Variants in DOK6 observed in about 807,000 individuals in gnomAD.
DOK6 encodes the protein docking protein 6.
Under a neutral mutation model 44.0 loss-of-function variants are expected in DOK6, and 22 were observed. The observed-to-expected ratio is 0.50, with a 90% CI of 0.36 to 0.71. The LOEUF is 0.71. Among genes scored for constraint, DOK6 ranks in the 30% least tolerant of loss-of-function variants. The pLI, the probability that DOK6 is intolerant of heterozygous loss-of-function variation, is 0.00. For missense variants in DOK6, 340 were observed against 416.4 expected, an observed-to-expected ratio of 0.82 and a Z score of 1.60; for synonymous variants, 166 against 145.5, an observed-to-expected ratio of 1.14 and a Z score of -1.01.
chr18:69,744,388 A>C (rs922137476), intron 6 of DOK6, among the ~76,000 whole-genome samples: 3 of 151,748 alleles, frequency 2.0e-5, no homozygotes, highest in African/African-American at 7.3e-5. Context: ...CAATATTACC[A>C]ATGTTAATCA....
At chr18:69,517,662 G>A (rs1981566886) in intron 1 of DOK6, among the ~76,000 whole-genome samples, 1 of 149,556 alleles carries the variant, frequency 6.7e-6, no homozygotes, top group Non-Finnish European at 1.5e-5. Flanking sequence ...TAATTCTTAG[G>A]GCACTTCATT....
rs1982295742 is a variant in DOK6, at chr18:69,844,095, G to A, written c.*2712G>A. On this transcript the variant is annotated 3_prime_UTR_variant, in exon 8 of 8. Coordinates refer to ENST00000382713, the MANE Select transcript of DOK6 (RefSeq NM_152721.6). ...CACTGGAGCAACCAGAAGGGTCATG[G>A]AGATGTATACCACTCGCTTGGGCTC... 2 of 152,202 alleles carry A rather than the reference G, an allele frequency of 1.3e-5. No homozygotes were observed. Among genetic ancestry groups the A allele is most frequent in the South Asian group, 4.1e-4 (2 of 4,832 alleles). 9.4% of individuals were successfully genotyped at this position (152,202 alleles called of 1,614,324 possible).
intron 5 of DOK6, among the ~76,000 whole-genome samples, chr18:69,729,393 TTA>T (rs2144730132): frequency 6.6e-6 from 1 of 152,344 alleles, no homozygotes; most frequent in African/African-American, 2.4e-5. Flanking sequence ...TTTTCCTTCA[TTA>T]TATCTTTCCC....
At chr18:69,660,258 C>T (rs1432565759) in intron 3 of DOK6, 1 of 152,150 alleles carries the variant, frequency 6.6e-6, no homozygotes, top group Non-Finnish European at 1.5e-5. Flanking sequence ...GTTCATAACT[C>T]AGAACGTTGA....
chr18:69,689,817 GCTTA>G (rs1459406955), intron 4 of DOK6, among the ~76,000 whole-genome samples: 1 of 151,940 alleles, frequency 6.6e-6, no homozygotes, highest in African/African-American at 2.4e-5. Flanking sequence ...ATTAAAATTG[GCTTA>G]CTTTTAATAT....
chr18:69,432,296 T>C (rs541023086), intron 1 of DOK6, among the ~76,000 whole-genome samples: 54 of 152,222 alleles, frequency 3.5e-4, no homozygotes, highest in Non-Finnish European at 6.5e-4. Context: ...TTAAAAACCT[T>C]AGCCAGAAGT....
intron 3 of DOK6, among the ~76,000 whole-genome samples, chr18:69,672,422 G>C (rs1160190827): frequency 1.3e-5 from 2 of 152,188 alleles, no homozygotes; most frequent in Non-Finnish European, 2.9e-5. Flanking sequence ...GCAATGGCGC[G>C]ATCTCAGCTC....
At chr18:69,554,044 TAAG>T (rs1235323468) in intron 1 of DOK6, among the ~76,000 whole-genome samples, 1 of 152,102 alleles carries the variant, frequency 6.6e-6, no homozygotes, top group Non-Finnish European at 1.5e-5. Flanking sequence ...GGAGCAATAA[TAAG>T]GAGAAAACCA....
chr18:69,683,747 C>T (rs906754315), intron 4 of DOK6, among the ~76,000 whole-genome samples: 1 of 152,204 alleles, frequency 6.6e-6, no homozygotes, highest in African/African-American at 2.4e-5. Flanking sequence ...TTATTTTAAG[C>T]CAACCAATTG....
At chr18:69,417,994 C>T (rs944993783) in intron 1 of DOK6, among the ~76,000 whole-genome samples, 1 of 152,072 alleles carries the variant, frequency 6.6e-6, no homozygotes, top group African/African-American at 2.4e-5. Flanking sequence ...ATAATTTTTC[C>T]TATCGTGTAG....
At chr18:69,602,090 G>A (rs1456270612) in intron 3 of DOK6, among the ~76,000 whole-genome samples, 1 of 152,156 alleles carries the variant, frequency 6.6e-6, no homozygotes, top group East Asian at 1.9e-4. Flanking sequence ...CTGTCCAGAG[G>A]AGGTGGAGCA....
intron 1 of DOK6, among the ~76,000 whole-genome samples, chr18:69,546,870 T>C (rs532250647): frequency 6.6e-6 from 1 of 151,684 alleles, no homozygotes; most frequent in South Asian, 2.1e-4. Context: ...TAAGCTGTTC[T>C]TACATTACTA....
chr18:69,550,777 C>CTTTT (rs10538639), intron 1 of DOK6, among the ~76,000 whole-genome samples: 243 of 121,406 alleles, frequency 2.0e-3, no homozygotes, highest in African/African-American at 4.0e-3. Context: ...TTGTTTCTTT[C>CTTTT]TTTTTTTTTT....
chr18:69,528,118 G>C (rs1158447219), intron 1 of DOK6, among the ~76,000 whole-genome samples: 2 of 147,440 alleles, frequency 1.4e-5, no homozygotes, highest in Admixed American at 1.4e-4. Context: ...ATCCGAGATA[G>C]TGCCACTGCA....
intron 7 of DOK6, among the ~76,000 whole-genome samples, chr18:69,800,024 C>A (rs1266195738): frequency 6.6e-6 from 1 of 151,972 alleles, no homozygotes; most frequent in Non-Finnish European, 1.5e-5. Context: ...GAAACATTTG[C>A]AGTTCAGCTT....
At chr18:69,422,662 ACT>A (rs1325344089) in intron 1 of DOK6, among the ~76,000 whole-genome samples, 2 of 147,954 alleles carry the variant, frequency 1.4e-5, no homozygotes, top group Non-Finnish European at 3.0e-5. Flanking sequence ...CAGTTGATAT[ACT>A]CTGTTTGTGT....
At chr18:69,736,911 G>A (rs1430869213) in intron 5 of DOK6, among the ~76,000 whole-genome samples, 5 of 152,180 alleles carry the variant, frequency 3.3e-5, no homozygotes, top group East Asian at 1.9e-4. Flanking sequence ...CTTGGGGTGT[G>A]TTAAATGCAG....
intron 3 of DOK6, among the ~76,000 whole-genome samples, chr18:69,651,482 C>CT (rs1168500882): frequency 0.062 from 7,261 of 116,876 alleles, 328 homozygotes; most frequent in Admixed American, 0.1. Flanking sequence ...CCCCCCGCTC[C>CT]TTTTTTTTTT....
chr18:69,574,245 T>C (rs1883991592), intron 2 of DOK6, among the ~76,000 whole-genome samples: 1 of 152,018 alleles, frequency 6.6e-6, no homozygotes, highest in African/African-American at 2.4e-5. Context: ...TGTCCTAATC[T>C]TCTAGGACCA....
Sources: gnomAD v4.1 joint callset for allele counts (sites outside exome capture counted in the v4.1 genomes callset) on GRCh38, gnomAD v4.1.1 for gene constraint, MANE v1.5 for transcripts, NCBI Gene and HGNC (gene_info 2026-07-23, HGNC 2026-07-21) for gene names.